Variants in GPBP1L1 observed in about 807,000 individuals in gnomAD.
GPBP1L1 encodes the protein GC-rich promoter binding protein 1 like 1.
GPBP1L1 carries 23 observed loss-of-function variants against 52.5 expected under a neutral mutation model. That is an observed-to-expected ratio of 0.44 (90% CI 0.32 to 0.62). GPBP1L1 has a LOEUF of 0.62. GPBP1L1 is among the 20% of genes least tolerant of loss of function. The probability of loss-of-function intolerance (pLI) is 0.06; values close to 1 mark genes in which losing one functional copy is unlikely to be tolerated. For synonymous variants in GPBP1L1, 243 were observed against 203.1 expected (o/e 1.20, Z -1.67); for missense variants, 596 against 579.3 (o/e 1.03, Z -0.30).
intron 2 of GPBP1L1, among the ~76,000 whole-genome samples, chr1:45,664,034 T>TA (rs1047471154): frequency 1.3e-5 from 2 of 151,514 alleles, no homozygotes; most frequent in African/African-American, 4.8e-5. Flanking sequence ...CTGAGCTAAT[T>TA]AAAAAAAAAT....
rs200145476 is a variant in GPBP1L1, at chr1:45,633,662, C to G, written c.886-15G>C. 1 of 1,612,176 alleles carries G rather than the reference C, an allele frequency of 6.2e-7. No homozygotes were observed. Among genetic ancestry groups the G allele is most frequent in the African/African-American group, 1.3e-5 (1 of 74,778 alleles). On this transcript the variant is annotated splice_polypyrimidine_tract_variant and intron_variant, in intron 9 of 12. Coordinates refer to ENST00000355105, the MANE Select transcript of GPBP1L1 (RefSeq NM_021639.5). ...CTGGAGGGACTCTGGGCAAATACCA[C>G]AAACAGGTTGCTCCTGACAGCAAAG...
chr1:45,683,979 C>A (rs948499385), intron 2 of GPBP1L1, among the ~76,000 whole-genome samples: 2 of 151,220 alleles, frequency 1.3e-5, no homozygotes, highest in Non-Finnish European at 2.9e-5. Context: ...ACAAGCCGGG[C>A]GGGGGCGGTG....
chr1:45,669,186 G>A (rs2148499507), intron 2 of GPBP1L1, among the ~76,000 whole-genome samples: 1 of 152,118 alleles, frequency 6.6e-6, no homozygotes, highest in South Asian at 2.1e-4. Flanking sequence ...TTTTTTTGGA[G>A]ACAGGGTCTC....
rs1644478699 is a variant in GPBP1L1 at position 45,628,017 on chromosome 1, T to C, written c.*239A>G. 5 of 465,492 alleles carry C rather than the reference T, an allele frequency of 1.1e-5. No homozygotes were observed. The East Asian group carries it at 1.6e-4, about 15-fold the overall frequency. 28.8% of individuals were successfully genotyped at this position (465,492 alleles called of 1,614,324 possible). ...TATACTGGGTGTGTATGTGTGTGTG[T>C]GTGTGAGTGTGTTTAAAAAATCTGT... On this transcript the variant is annotated 3_prime_UTR_variant, in exon 13 of 13. Transcript: ENST00000355105.
chr1:45,643,560 G>C (rs1644701381), intron 6 of GPBP1L1, among the ~76,000 whole-genome samples: 1 of 151,828 alleles, frequency 6.6e-6, no homozygotes, highest in South Asian at 2.1e-4. Context: ...GAAAGGGCAG[G>C]GAAGAGTTAA....
intron 6 of GPBP1L1, chr1:45,651,562 G>A (rs1644819755): frequency 1.7e-6 from 1 of 594,738 alleles, no homozygotes; most frequent in Non-Finnish European, 3.0e-6. Context: ...TAGCTGTTTG[G>A]CAGCGCAAGG....
At chr1:45,671,294 C>T (rs1229765769) in intron 2 of GPBP1L1, among the ~76,000 whole-genome samples, 1 of 147,548 alleles carries the variant, frequency 6.8e-6, no homozygotes, top group Admixed American at 7.0e-5. Flanking sequence ...ACTGCAACCT[C>T]TGCCTCCCAG....
chr1:45,644,708 TG>T (rs1217289392), intron 6 of GPBP1L1, among the ~76,000 whole-genome samples: 1 of 152,180 alleles, frequency 6.6e-6, no homozygotes, highest in Non-Finnish European at 1.5e-5. Context: ...GAATCCTTAG[TG>T]GTTTTGTATT....
At chr1:45,655,084 A>G (rs778880670) in intron 5 of GPBP1L1, 106 bp downstream of exon 5, 21 of 1,402,410 alleles carry the variant, frequency 1.5e-5, no homozygotes, top group Non-Finnish European at 2.0e-5. Context: ...AATGAAAACT[A>G]TGTTCAGAAA....
In GPBP1L1 at chr1:45,630,707, C is replaced by T. The variant is rs1644519201; in HGVS notation, c.1045-101G>A. 3.8e-6 allele frequency: 5 copies of T among 1,316,906 alleles called. No individual in the cohort carries two copies. In the African/African-American group the frequency reaches 5.9e-5, roughly 16 times the overall value. 81.6% of individuals were successfully genotyped at this position (1,316,906 alleles called of 1,614,324 possible). ...GACTCACGACCCAGGAAGTGTTTTC[C>T]AAAAGACAGCCTCAGCCCACAGATT... On this transcript the variant is annotated intron_variant, in intron 10 of 12. Transcript: ENST00000355105.
intron 6 of GPBP1L1, among the ~76,000 whole-genome samples, chr1:45,645,017 GTTATTA>G (rs1557701651): frequency 6.6e-6 from 1 of 152,082 alleles, no homozygotes; most frequent in African/African-American, 2.4e-5. Flanking sequence ...AACCCTCGTC[GTTATTA>G]TTATTAATTG....
chr1:45,675,951 T>C (rs1373750714), intron 2 of GPBP1L1, among the ~76,000 whole-genome samples: 1 of 152,230 alleles, frequency 6.6e-6, no homozygotes, highest in Non-Finnish European at 1.5e-5. Context: ...ATATTTCTTT[T>C]CAAAATCTCA....
chr1:45,639,602 C>T (rs1391979896), intron 8 of GPBP1L1, among the ~76,000 whole-genome samples: 4 of 146,166 alleles, frequency 2.7e-5, no homozygotes, highest in African/African-American at 5.0e-5. Context: ...AATGGCTGGG[C>T]GTGGCGGCTC....
intron 6 of GPBP1L1, among the ~76,000 whole-genome samples, chr1:45,646,483 T>C (rs1644747157): frequency 6.6e-6 from 1 of 152,194 alleles, no homozygotes; most frequent in Non-Finnish European, 1.5e-5. Context: ...GTCTTAGTCA[T>C]CCTGGCTATC....
chr1:45,629,578 G>A lies in GPBP1L1; in HGVS notation c.1270C>T (p.Gln424Ter). The change falls in exon 12 of 13, where the codon CAG becomes TAG. Residue 424 changes from glutamine (Q) to a stop codon, truncating the protein, a stop_gained and splice_region_variant. Transcript: ENST00000355105. LOFTEE classifies it high-confidence loss of function. Reference protein sequence around the residue: ...ELKEFHMKTEQLRRNGFGKNG... With the variant: ...ELKEFHMKTE ...TAGGAAGAAGGTTTACAACATACCT[G>A]CTCTGTCTTCATGTGGAACTCTTTG... 1 of 1,581,992 alleles carries A rather than the reference G, an allele frequency of 6.3e-7. No individual in the cohort carries two copies. The highest frequency in any genetic ancestry group is 8.7e-7 in the Non-Finnish European group (1 of 1,153,118).
chr1:45,658,623 A>C (rs1327719112), intron 4 of GPBP1L1: 2 of 181,560 alleles, frequency 1.1e-5, no homozygotes, highest in Non-Finnish European at 2.3e-5. Flanking sequence ...CACGAGGTTG[A>C]ATATATTAAA....
At position 45,686,007 on chromosome 1, in the gene GPBP1L1, T is replaced by G. The variant is rs751636302; in HGVS notation, c.-1142-387A>C. 2.7e-4 allele frequency among the ~76,000 whole-genome samples: 41 copies of G among 151,890 alleles called. 1 individual carries two copies. The Middle Eastern group carries it at 0.031, about 114-fold the overall frequency. On this transcript the variant is annotated intron_variant, in intron 1 of 12. Transcript: ENST00000355105. ...CACTTTTTCCTCCTTAGGTTTTCCT[T>G]TGAAGGAAAACAAAAGCCCTTAGCT...
At chr1:45,634,346 G>C (rs1644568527) in intron 8 of GPBP1L1, 110 bp from the exon 9 acceptor site, 3 of 1,111,006 alleles carry the variant, frequency 2.7e-6, no homozygotes, top group Non-Finnish European at 3.7e-6. Context: ...TAAGTTTCCA[G>C]GGCTTACCTG....
At chr1:45,653,313 C>A (rs1388909641) in intron 6 of GPBP1L1, among the ~76,000 whole-genome samples, 1 of 152,080 alleles carries the variant, frequency 6.6e-6, no homozygotes. Flanking sequence ...GTGGGAAGAT[C>A]ACTTGAGGTC....
Sources: gnomAD v4.1 joint callset for allele counts (sites outside exome capture counted in the v4.1 genomes callset) on GRCh38, gnomAD v4.1.1 for gene constraint, MANE v1.5 for transcripts, NCBI Gene and HGNC (gene_info 2026-07-23, HGNC 2026-07-21) for gene names.